The following CDH12 variants were observed in gnomAD, a reference collection of about 807,000 sequenced individuals.
CDH12 encodes cadherin 12.
A neutral mutation model predicts 74.1 loss-of-function variants in CDH12; 41 were observed. The ratio of observed to expected loss-of-function variants is 0.55; its 90% CI spans 0.43 to 0.72. The LOEUF is 0.72. Among genes scored for constraint, CDH12 ranks in the 30% least tolerant of loss-of-function variants. The pLI is 0.00. For synonymous variants in CDH12, 399 were observed against 355.0 expected, an observed-to-expected ratio of 1.12 and a Z score of -1.39; for missense variants, 945 against 977.2, an observed-to-expected ratio of 0.97 and a Z score of 0.44.
chr5:21,818,705 A>C (rs1246248995), intron 8 of CDH12, among the ~76,000 whole-genome samples: 1 of 152,014 alleles, frequency 6.6e-6, no homozygotes, highest in Non-Finnish European at 1.5e-5. Context: ...ACAGTGGTCC[A>C]CAAGAGTTAT....
intron 3 of CDH12, among the ~76,000 whole-genome samples, chr5:22,365,084 T>A (rs1197046043): frequency 6.6e-6 from 1 of 152,224 alleles, no homozygotes; most frequent in Non-Finnish European, 1.5e-5. Context: ...AAGTATTTCC[T>A]TTTATATCAC....
At chr5:22,030,358 T>C (rs1210944428) in intron 5 of CDH12, among the ~76,000 whole-genome samples, 1 of 152,152 alleles carries the variant, frequency 6.6e-6, no homozygotes, top group Non-Finnish European at 1.5e-5. Flanking sequence ...AGAATGAATG[T>C]TGTATTAGCA....
intron 1 of CDH12, among the ~76,000 whole-genome samples, chr5:22,587,513 C>G (rs957350346): frequency 6.6e-6 from 1 of 152,130 alleles, no homozygotes; most frequent in Non-Finnish European, 1.5e-5. Flanking sequence ...AAGGCCAACC[C>G]TCCTGTTCAA....
intron 4 of CDH12, among the ~76,000 whole-genome samples, chr5:22,129,159 G>A (rs1358992878): frequency 6.6e-6 from 1 of 152,202 alleles, no homozygotes; most frequent in Non-Finnish European, 1.5e-5. Flanking sequence ...GGATAATAAA[G>A]GTAGTGTATT....
intron 9 of CDH12, among the ~76,000 whole-genome samples, chr5:21,804,209 T>A (rs6451999): frequency 0.68 from 102,684 of 151,962 alleles, 36,097 homozygotes; most frequent in Non-Finnish European, 0.78. Flanking sequence ...TGATTTCTCT[T>A]AATACCTATA....
intron 2 of CDH12, among the ~76,000 whole-genome samples, chr5:22,445,343 G>A (rs534641545): frequency 2.0e-5 from 3 of 152,168 alleles, no homozygotes; most frequent in East Asian, 3.9e-4. Context: ...GGAACAAGCA[G>A]GACATGAAGA....
chr5:22,828,163 A>T (rs1736426081), intron 1 of CDH12, among the ~76,000 whole-genome samples: 1 of 152,148 alleles, frequency 6.6e-6, no homozygotes, highest in Non-Finnish European at 1.5e-5. Flanking sequence ...ATTACATGGC[A>T]GCAGGTGGAA....
chr5:22,531,221 T>C (rs562455101), intron 1 of CDH12, among the ~76,000 whole-genome samples: 2 of 152,264 alleles, frequency 1.3e-5, no homozygotes, highest in African/African-American at 2.4e-5. Flanking sequence ...ATATAACTTA[T>C]ACAAAAATTT....
chr5:21,880,534 T>TTTTCCTTCCTTCCTTCCTTCCTTCCCTTC, intron 6 of CDH12, among the ~76,000 whole-genome samples: 1 of 16,742 alleles, frequency 6.0e-5, no homozygotes, highest in African/African-American at 8.7e-5. Context: ...TTCTTCCTTC[T>TTTTCCTTCCTTCCTTCCTTCCTTCCCTTC]TTTCCTTCCT....
chr5:22,046,900 C>T (rs1436556857), intron 5 of CDH12, among the ~76,000 whole-genome samples: 2 of 152,164 alleles, frequency 1.3e-5, no homozygotes, highest in Non-Finnish European at 1.5e-5. Flanking sequence ...TATAAATCCA[C>T]TTGGTTAAAT....
chr5:22,798,124 A>C (rs1185039221), intron 1 of CDH12, among the ~76,000 whole-genome samples: 1 of 152,114 alleles, frequency 6.6e-6, no homozygotes, highest in African/African-American at 2.4e-5. Context: ...CCCTGCCTCA[A>C]ATAAATCCCA....
intron 3 of CDH12, among the ~76,000 whole-genome samples, chr5:22,329,513 A>C (rs940151554): frequency 6.6e-6 from 1 of 152,214 alleles, no homozygotes; most frequent in Non-Finnish European, 1.5e-5. Context: ...CCAAATTTTA[A>C]CAACCATCTG....
At chr5:22,242,469 C>T (rs1240122528) in intron 3 of CDH12, among the ~76,000 whole-genome samples, 1 of 152,054 alleles carries the variant, frequency 6.6e-6, no homozygotes, top group Non-Finnish European at 1.5e-5. Flanking sequence ...CTTAACATAG[C>T]CTTGCCAAAA....
intron 1 of CDH12, among the ~76,000 whole-genome samples, chr5:22,729,123 T>C (rs1477010343): frequency 1.3e-5 from 2 of 151,800 alleles, no homozygotes; most frequent in East Asian, 1.9e-4. Context: ...AGAATAACAA[T>C]ATATATATTT....
At chr5:22,363,006 C>A (rs936101999) in intron 3 of CDH12, among the ~76,000 whole-genome samples, 11 of 149,858 alleles carry the variant, frequency 7.3e-5, no homozygotes, top group Admixed American at 1.3e-4. Context: ...GGGTGCAGCA[C>A]ACCAACATGG....
intron 6 of CDH12, among the ~76,000 whole-genome samples, chr5:21,897,226 T>C (rs1028371440): frequency 3.9e-5 from 6 of 152,148 alleles, no homozygotes; most frequent in Non-Finnish European, 4.4e-5. Flanking sequence ...ACAAATCTGG[T>C]TGACAGAAAT....
At chr5:21,970,319 C>T (rs1404829867) in intron 6 of CDH12, among the ~76,000 whole-genome samples, 1 of 152,094 alleles carries the variant, frequency 6.6e-6, no homozygotes, top group Non-Finnish European at 1.5e-5. Context: ...TTCACCTGTT[C>T]CTCTGCTACT....
At chr5:22,790,389 C>T (rs1747846583) in intron 1 of CDH12, among the ~76,000 whole-genome samples, 1 of 152,046 alleles carries the variant, frequency 6.6e-6, no homozygotes, top group Non-Finnish European at 1.5e-5. Context: ...TCACAATTCT[C>T]AAAGGGTCTT....
At chr5:22,741,828 G>A (rs1745039410) in intron 1 of CDH12, among the ~76,000 whole-genome samples, 1 of 152,176 alleles carries the variant, frequency 6.6e-6, no homozygotes, top group African/African-American at 2.4e-5. Context: ...ACTGTGGATT[G>A]AATCATAAAG....
Sources: gnomAD v4.1 joint callset for allele counts (sites outside exome capture counted in the v4.1 genomes callset) on GRCh38, gnomAD v4.1.1 for gene constraint, MANE v1.5 for transcripts, NCBI Gene and HGNC (gene_info 2026-07-23, HGNC 2026-07-21) for gene names.